Variants in RAB3C observed in about 807,000 individuals in gnomAD.
The protein encoded by RAB3C is RAB3C, member RAS oncogene family, also known as ras-related protein Rab-3C.
Under a neutral mutation model 26.4 loss-of-function variants are expected in RAB3C, and 17 were observed. The ratio of observed to expected loss-of-function variants is 0.64; its 90% CI spans 0.44 to 0.97. The LOEUF (loss-of-function observed/expected upper bound fraction) is 0.97, where lower values mean the gene tolerates loss of function less well. Ranked by LOEUF, RAB3C falls within the 50% of genes least tolerant of loss-of-function variation. The probability of loss-of-function intolerance (pLI) is 0.00; values close to 1 mark genes in which losing one functional copy is unlikely to be tolerated. For synonymous variants in RAB3C, 91 were observed against 95.9 expected (o/e 0.95, Z 0.30); for missense variants, 242 against 281.9 (o/e 0.86, Z 1.01).
chr5:58,766,090 C>T (rs967348912), intron 3 of RAB3C, among the ~76,000 whole-genome samples: 4 of 150,988 alleles, frequency 2.6e-5, no homozygotes, highest in African/African-American at 9.8e-5. Context: ...AATTAAACCT[C>T]TTTACAAATT....
At chr5:58,737,478 G>A (rs1161303496) in intron 3 of RAB3C, among the ~76,000 whole-genome samples, 1 of 133,398 alleles carries the variant, frequency 7.5e-6, no homozygotes, top group Non-Finnish European at 1.6e-5. Context: ...TTTATTGGCT[G>A]TCTACCTAAC....
At chr5:58,843,374 T>C (rs1309684653) in intron 4 of RAB3C, among the ~76,000 whole-genome samples, 1 of 152,244 alleles carries the variant, frequency 6.6e-6, no homozygotes, top group Non-Finnish European at 1.5e-5. Context: ...AAGTTATCAA[T>C]GTTTTTGTTG....
At chr5:58,703,158 A>G (rs890154763) in intron 2 of RAB3C, among the ~76,000 whole-genome samples, 1 of 152,098 alleles carries the variant, frequency 6.6e-6, no homozygotes, top group Non-Finnish European at 1.5e-5. Flanking sequence ...CTCCTGATGA[A>G]TAAGATCTTG....
intron 1 of RAB3C, among the ~76,000 whole-genome samples, chr5:58,597,055 AATAC>A (rs1308629059): frequency 1.1e-5 from 1 of 92,236 alleles, no homozygotes; most frequent in African/African-American, 4.6e-5. Flanking sequence ...TAATATATAT[AATAC>A]ATAATATATA....
chr5:58,711,105 A>G (rs1249243849), intron 2 of RAB3C, among the ~76,000 whole-genome samples: 1 of 152,212 alleles, frequency 6.6e-6, no homozygotes, highest in Non-Finnish European at 1.5e-5. Flanking sequence ...TGCGTATTTC[A>G]TCTTTGCATT....
chr5:58,845,612 ATGTGTGTGTGTGTG>A (rs1289870360), intron 4 of RAB3C, among the ~76,000 whole-genome samples: 4 of 81,696 alleles, frequency 4.9e-5, no homozygotes, highest in African/African-American at 1.2e-4. Context: ...ATATATATAT[ATGTGTGTGTGTGTG>A]TGTGTATATG....
chr5:58,688,601 T>C (rs1329712070), intron 2 of RAB3C, among the ~76,000 whole-genome samples: 4 of 152,176 alleles, frequency 2.6e-5, no homozygotes, highest in Non-Finnish European at 4.4e-5. Context: ...ATGTCAATTC[T>C]ACTGTCTTCT....
At chr5:58,700,820 T>G (rs556498197) in intron 2 of RAB3C, among the ~76,000 whole-genome samples, 43 of 152,242 alleles carry the variant, frequency 2.8e-4, no homozygotes, top group African/African-American at 9.9e-4. Context: ...TTCACAATCA[T>G]GCTACTGAGG....
chr5:58,736,533 C>T (rs1741140076), intron 3 of RAB3C, among the ~76,000 whole-genome samples: 1 of 152,224 alleles, frequency 6.6e-6, no homozygotes, highest in Non-Finnish European at 1.5e-5. Context: ...ACCTCTTCAC[C>T]TACTCTTACT....
At chr5:58,752,639 G>A (rs1350476776) in intron 3 of RAB3C, among the ~76,000 whole-genome samples, 1 of 152,104 alleles carries the variant, frequency 6.6e-6, no homozygotes, top group African/African-American at 2.4e-5. Context: ...ATGACAATCT[G>A]ATTGCTGATG....
chr5:58,845,594 C>CTATATA (rs147626783), intron 4 of RAB3C, among the ~76,000 whole-genome samples: 2,822 of 74,486 alleles, frequency 0.038, 225 homozygotes, highest in Non-Finnish European at 0.051. Context: ...GTGATTCTTA[C>CTATATA]TATATATATA....
chr5:58,781,012 G>A (rs990838673), intron 3 of RAB3C, among the ~76,000 whole-genome samples: 1 of 151,900 alleles, frequency 6.6e-6, no homozygotes, highest in Non-Finnish European at 1.5e-5. Flanking sequence ...CTTCTGTCTA[G>A]GATTCCATAT....
intron 3 of RAB3C, among the ~76,000 whole-genome samples, chr5:58,751,703 C>T (rs751179823): frequency 3.3e-5 from 5 of 152,184 alleles, no homozygotes; most frequent in African/African-American, 9.7e-5. Context: ...TCATGTTAGT[C>T]ATATTACTTG....
At chr5:58,826,815 A>C (rs564886232) in intron 4 of RAB3C, among the ~76,000 whole-genome samples, 1 of 152,236 alleles carries the variant, frequency 6.6e-6, no homozygotes, top group Non-Finnish European at 1.5e-5. Context: ...ATTTGGGATT[A>C]ATCTGCTGGT....
In RAB3C at chr5:58,849,421, T is replaced by G. The variant is rs141285852; in HGVS notation, c.497-1743T>G. 4.5e-4 allele frequency among the ~76,000 whole-genome samples: 69 copies of G among 152,328 alleles called. 1 individual carries two copies. The highest frequency in any genetic ancestry group is 1.4e-3 in the Admixed American group (22 of 15,308). ...GCAACAAGGATCTTGCTTAGATCCA[T>G]GCTTGCCTTTCCCCAAATCTGGATT... On this transcript the variant is annotated intron_variant, in intron 4 of 4. Coordinates refer to ENST00000282878, the MANE Select transcript of RAB3C (RefSeq NM_138453.4).
intron 3 of RAB3C, among the ~76,000 whole-genome samples, chr5:58,752,082 A>AACTT (rs369518265): frequency 3.1e-3 from 465 of 152,306 alleles, no homozygotes; most frequent in African/African-American, 9.5e-3. Flanking sequence ...ATTATTCTTT[A>AACTT]ACTTATACTA....
chr5:58,702,257 C>T (rs1163172875), intron 2 of RAB3C, among the ~76,000 whole-genome samples: 2 of 152,264 alleles, frequency 1.3e-5, no homozygotes, highest in East Asian at 3.9e-4. Context: ...GTCCGTGACC[C>T]ATTTCACAGA....
At chr5:58,723,114 C>G (rs761853888) in intron 2 of RAB3C, among the ~76,000 whole-genome samples, 5 of 151,676 alleles carry the variant, frequency 3.3e-5, no homozygotes, top group Non-Finnish European at 7.4e-5. Context: ...TGCAAATATA[C>G]TTCCCAGTTT....
chr5:58,695,177 T>C (rs1446818964), intron 2 of RAB3C, among the ~76,000 whole-genome samples: 1 of 152,192 alleles, frequency 6.6e-6, no homozygotes, highest in African/African-American at 2.4e-5. Context: ...GCACCATTTA[T>C]TCAATAGGGA....
Sources: gnomAD v4.1 joint callset for allele counts (sites outside exome capture counted in the v4.1 genomes callset) on GRCh38, gnomAD v4.1.1 for gene constraint, MANE v1.5 for transcripts, NCBI Gene and HGNC (gene_info 2026-07-23, HGNC 2026-07-21) for gene names.